ERBB4: variants seen among roughly 807,000 people sequenced by gnomAD.
ERBB4 encodes erb-b2 receptor tyrosine kinase 4.
In ERBB4, 42 loss-of-function variants were observed where a neutral mutation model predicts 158.0. That is an observed-to-expected ratio of 0.27 (90% CI 0.21 to 0.34). ERBB4 has a LOEUF of 0.34. ERBB4 is among the 10% of genes least tolerant of loss of function. The pLI, the probability that ERBB4 is intolerant of heterozygous loss-of-function variation, is 1.00. For synonymous variants in ERBB4, 583 were observed against 558.7 expected (o/e 1.04, Z -0.61); for missense variants, 1,333 against 1,624.1 (o/e 0.82, Z 3.08).
At chr2:211,965,453 C>T (rs1575445641) in intron 2 of ERBB4, among the ~76,000 whole-genome samples, 1 of 152,086 alleles carries the variant, frequency 6.6e-6, no homozygotes, top group African/African-American at 2.4e-5. Flanking sequence ...GATATAGTCA[C>T]ATTTGAATAA....
At chr2:212,007,701 G>A (rs6734634) in intron 2 of ERBB4, among the ~76,000 whole-genome samples, 102,051 of 151,642 alleles carry the variant, frequency 0.67, 35,101 homozygotes, top group East Asian at 0.93. Context: ...GCACTACACA[G>A]TTCTAAACAA....
intron 1 of ERBB4, among the ~76,000 whole-genome samples, chr2:212,127,856 T>C (rs2079990498): frequency 6.6e-6 from 1 of 152,044 alleles, no homozygotes; most frequent in South Asian, 2.1e-4. Context: ...CACCAGAAGC[T>C]AGAGAGTGGC....
At chr2:212,343,999 A>G (rs1373967254) in intron 1 of ERBB4, among the ~76,000 whole-genome samples, 2 of 152,172 alleles carry the variant, frequency 1.3e-5, no homozygotes, top group Non-Finnish European at 2.9e-5. Context: ...CAAACCCTGC[A>G]TATTCTGTCT....
At chr2:212,294,346 T>C (rs58396550) in intron 1 of ERBB4, among the ~76,000 whole-genome samples, 9,115 of 152,048 alleles carry the variant, frequency 0.06, 927 homozygotes, top group African/African-American at 0.21. Context: ...TTCGTGTCTC[T>C]ATTTCTACCC....
chr2:211,435,534 A>T (rs1375393523), intron 20 of ERBB4, among the ~76,000 whole-genome samples: 1 of 152,160 alleles, frequency 6.6e-6, no homozygotes, highest in Non-Finnish European at 1.5e-5. Context: ...TTTGTTAGGA[A>T]CTGGGCTGCA....
chr2:212,147,934 T>A (rs972665640), intron 1 of ERBB4, among the ~76,000 whole-genome samples: 2 of 152,176 alleles, frequency 1.3e-5, no homozygotes. Flanking sequence ...TTTCTCCATC[T>A]TTCCATTTCT....
chr2:212,320,103 T>TGAGG (rs1252096648), intron 1 of ERBB4, among the ~76,000 whole-genome samples: 3 of 149,710 alleles, frequency 2.0e-5, no homozygotes, highest in Non-Finnish European at 3.0e-5. Flanking sequence ...TGTACTGAGG[T>TGAGG]GAGGGAAAAT....
chr2:211,805,597 C>T (rs867234514), intron 3 of ERBB4, among the ~76,000 whole-genome samples: 1 of 152,194 alleles, frequency 6.6e-6, no homozygotes, highest in Non-Finnish European at 1.5e-5. Flanking sequence ...CAGAAAACAG[C>T]ACTGTGTCTC....
intron 1 of ERBB4, among the ~76,000 whole-genome samples, chr2:212,270,027 A>T (rs150511812): frequency 5.8e-4 from 88 of 151,948 alleles, no homozygotes; most frequent in Non-Finnish European, 6.0e-4. Context: ...CAGAAATTCC[A>T]TAAAGTGACT....
intron 27 of ERBB4, among the ~76,000 whole-genome samples, chr2:211,385,184 T>A (rs548885855): frequency 1.3e-5 from 2 of 152,102 alleles, no homozygotes; most frequent in Admixed American, 1.3e-4. Context: ...CAAATATATA[T>A]ATACAGAATA....
chr2:211,750,343 A>C (rs1251235140), intron 5 of ERBB4, among the ~76,000 whole-genome samples: 1 of 152,218 alleles, frequency 6.6e-6, no homozygotes, highest in East Asian at 1.9e-4. Flanking sequence ...TATTTTGTAC[A>C]CATTGGATTT....
At chr2:212,044,882 TTATG>T (rs909531790) in intron 2 of ERBB4, among the ~76,000 whole-genome samples, 1 of 152,080 alleles carries the variant, frequency 6.6e-6, no homozygotes, top group Non-Finnish European at 1.5e-5. Flanking sequence ...GTTCCAATTG[TTATG>T]TGTTGTTTTT....
At chr2:211,508,368 T>C (rs888816695) in intron 20 of ERBB4, among the ~76,000 whole-genome samples, 1 of 151,940 alleles carries the variant, frequency 6.6e-6, no homozygotes, top group Admixed American at 6.5e-5. Flanking sequence ...AACAAACATA[T>C]GAAAAAAAGA....
chr2:211,490,693 T>C (rs115147919), intron 20 of ERBB4, among the ~76,000 whole-genome samples: 1,661 of 152,098 alleles, frequency 0.011, 24 homozygotes, highest in African/African-American at 0.038. Context: ...CGAAGAAGTA[T>C]GGGAGAACTA....
chr2:212,233,798 A>G (rs1187626084), intron 1 of ERBB4, among the ~76,000 whole-genome samples: 1 of 151,952 alleles, frequency 6.6e-6, no homozygotes, highest in Non-Finnish European at 1.5e-5. Context: ...AGCCAAGTTG[A>G]GTTGGTAATT....
At chr2:212,449,260 T>G (rs2092410481) in intron 1 of ERBB4, among the ~76,000 whole-genome samples, 1 of 152,172 alleles carries the variant, frequency 6.6e-6, no homozygotes, top group South Asian at 2.1e-4. Flanking sequence ...TAAAATCAAA[T>G]GCACATTAAT....
chr2:211,701,705 G>C (rs1285937270), intron 12 of ERBB4, among the ~76,000 whole-genome samples: 3 of 133,174 alleles, frequency 2.3e-5, no homozygotes, highest in Non-Finnish European at 3.0e-5. Context: ...GCAGTGAGCC[G>C]AGATCTCGCC....
chr2:211,466,377 G>C (rs1046002946), intron 20 of ERBB4, among the ~76,000 whole-genome samples: 1 of 139,276 alleles, frequency 7.2e-6, no homozygotes, highest in African/African-American at 2.7e-5. Context: ...CACATTCAAT[G>C]ATGCCATGAA....
chr2:211,516,158 C>T (rs543957039), intron 20 of ERBB4, among the ~76,000 whole-genome samples: 23 of 150,990 alleles, frequency 1.5e-4, no homozygotes, highest in Non-Finnish European at 3.0e-4. Flanking sequence ...CCTCGTGATC[C>T]GCCCGCCTCG....
Sources: gnomAD v4.1 joint callset for allele counts (sites outside exome capture counted in the v4.1 genomes callset) on GRCh38, gnomAD v4.1.1 for gene constraint, MANE v1.5 for transcripts, NCBI Gene and HGNC (gene_info 2026-07-23, HGNC 2026-07-21) for gene names.